CAPN13: variants seen among roughly 807,000 people sequenced by gnomAD.
The protein encoded by CAPN13 is calpain-13.
Under a neutral mutation model 98.4 loss-of-function variants are expected in CAPN13, and 90 were observed. The ratio of observed to expected loss-of-function variants is 0.92; its 90% CI spans 0.77 to 1.09. The LOEUF is 1.09. Ranked by LOEUF, CAPN13 falls within the 50% of genes least tolerant of loss-of-function variation. The pLI is 0.00. For missense variants in CAPN13, 887 were observed against 841.3 expected, an observed-to-expected ratio of 1.05 and a Z score of -0.67; for synonymous variants, 330 against 305.5, an observed-to-expected ratio of 1.08 and a Z score of -0.84.
At chr2:30,774,792 A>C (rs1021361143) in intron 4 of CAPN13, among the ~76,000 whole-genome samples, 1 of 152,214 alleles carries the variant, frequency 6.6e-6, no homozygotes, top group Non-Finnish European at 1.5e-5. Flanking sequence ...TGTATAGCTC[A>C]ATCAGTTTGT....
intron 2 of CAPN13, among the ~76,000 whole-genome samples, chr2:30,781,835 T>C (rs1435071821): frequency 6.6e-6 from 1 of 152,168 alleles, no homozygotes; most frequent in African/African-American, 2.4e-5. Flanking sequence ...TACATCAATA[T>C]GTTAATGAGA....
intron 1 of CAPN13, among the ~76,000 whole-genome samples, chr2:30,802,196 T>C (rs1230411779): frequency 6.6e-6 from 1 of 151,932 alleles, no homozygotes; most frequent in Non-Finnish European, 1.5e-5. Flanking sequence ...ACAAATCCAG[T>C]AGTACCAGTG....
In CAPN13 at chr2:30,745,765, G is replaced by A. The variant is rs895903468; in HGVS notation, c.1237-31C>T. ...GGAAACAGGGAGAAAGGCAGATTTA[G>A]GAACTCAGACGTAAACAAAAAGGCA... On this transcript the variant is annotated intron_variant, in intron 11 of 22. Coordinates refer to ENST00000295055, the MANE Select transcript of CAPN13 (RefSeq NM_144575.3). 11 of 1,590,998 alleles carry A rather than the reference G, an allele frequency of 6.9e-6. No individual in the cohort carries two copies. The African/African-American group carries it at 1.1e-4, about 15-fold the overall frequency.
intron 1 of CAPN13, among the ~76,000 whole-genome samples, chr2:30,796,217 T>C (rs7590505): frequency 9.5e-6 from 1 of 105,818 alleles, no homozygotes; most frequent in East Asian, 2.6e-4. Flanking sequence ...TATATACACA[T>C]ATATATGTAT....
At chr2:30,726,743 G>A (rs1007635974) in intron 22 of CAPN13, among the ~76,000 whole-genome samples, 10 of 151,992 alleles carry the variant, frequency 6.6e-5, no homozygotes, top group East Asian at 1.9e-4. Context: ...ATGAAGAGAC[G>A]CATGGAACAA....
At chr2:30,799,283 G>A (rs1486367855) in intron 1 of CAPN13, among the ~76,000 whole-genome samples, 1 of 152,212 alleles carries the variant, frequency 6.6e-6, no homozygotes, top group Non-Finnish European at 1.5e-5. Context: ...ATTTCTCAAA[G>A]AGCTTATGTG....
intron 18 of CAPN13, among the ~76,000 whole-genome samples, chr2:30,735,002 T>C (rs1393862819): frequency 6.6e-6 from 1 of 152,204 alleles, no homozygotes; most frequent in Non-Finnish European, 1.5e-5. Context: ...AGGGAGTAAA[T>C]GACTAAATAT....
chr2:30,745,710 C>T lies in CAPN13; in HGVS notation c.1248+13G>A, dbSNP rs369623303. On this transcript the variant is annotated intron_variant, in intron 12 of 22. Transcript: ENST00000295055. ...CAGCAGAGGCGCAGGGCAAGGACGA[C>T]GCTGAGCCATACCTGTGAGCCAGCC... The T allele has an allele frequency of 1.7e-4, 267 of 1,596,368 alleles. No individual in the cohort carries two copies. The highest frequency in any genetic ancestry group is 4.9e-4 in the Middle Eastern group (3 of 6,080).
chr2:30,790,083 C>T (rs1674525764), intron 1 of CAPN13, among the ~76,000 whole-genome samples: 1 of 152,200 alleles, frequency 6.6e-6, no homozygotes, highest in South Asian at 2.1e-4. Flanking sequence ...TTCCCGCCTC[C>T]ACACACATAG....
chr2:30,787,396 T>A (rs1674348644), intron 1 of CAPN13, 39 bp from the exon 2 acceptor site: 2 of 1,455,990 alleles, frequency 1.4e-6, no homozygotes. Flanking sequence ...GGGTAAGCCA[T>A]CAAGTCCTTT....
At chr2:30,793,110 C>A (rs1674685194) in intron 1 of CAPN13, among the ~76,000 whole-genome samples, 1 of 151,692 alleles carries the variant, frequency 6.6e-6, no homozygotes, top group Admixed American at 6.6e-5. Context: ...CAAGAATGCC[C>A]ACTGTTATAG....
intron 1 of CAPN13, among the ~76,000 whole-genome samples, chr2:30,789,167 G>C (rs929112714): frequency 1.3e-5 from 2 of 152,166 alleles, no homozygotes; most frequent in African/African-American, 4.8e-5. Flanking sequence ...GAAATGTCAA[G>C]ATATCATTCA....
At chr2:30,763,386 G>A (rs367888682) in intron 6 of CAPN13, among the ~76,000 whole-genome samples, 72 of 152,322 alleles carry the variant, frequency 4.7e-4, no homozygotes, top group African/African-American at 1.5e-3. Flanking sequence ...ATAGAACCCC[G>A]TGGAGTCCCG....
At chr2:30,783,961 A>G (rs1674126221) in intron 2 of CAPN13, among the ~76,000 whole-genome samples, 1 of 151,996 alleles carries the variant, frequency 6.6e-6, no homozygotes, top group East Asian at 1.9e-4. Flanking sequence ...TGGGTGGATC[A>G]CTCGAGGTCA....
chr2:30,735,832 A>G lies in CAPN13; in HGVS notation c.1722+671T>C, dbSNP rs576874449. On this transcript the variant is annotated intron_variant, in intron 18 of 22. Coordinates refer to ENST00000295055, the MANE Select transcript of CAPN13 (RefSeq NM_144575.3). ...AAAACAGATTATACTTCTATTTGGC[A>G]TGTGTGGGTATACATATTACAAGAA... 3.1e-3 allele frequency among the ~76,000 whole-genome samples: 470 copies of G among 152,290 alleles called. 2 individuals carry two copies. Among genetic ancestry groups the G allele is most frequent in the African/African-American group, 0.011 (438 of 41,550 alleles).
At chr2:30,747,435 G>C (rs1671969607) in intron 11 of CAPN13, among the ~76,000 whole-genome samples, 2 of 152,226 alleles carry the variant, frequency 1.3e-5, no homozygotes, top group Admixed American at 1.3e-4. Flanking sequence ...AGACCTCTTA[G>C]CCGACTTCTC....
chr2:30,764,063 G>C, intron 6 of CAPN13, 69 bp downstream of exon 6: 1 of 1,452,862 alleles, frequency 6.9e-7, no homozygotes, highest in Non-Finnish European at 9.3e-7. Context: ...TAGCTGAATG[G>C]ACCCCTGGCT....
chr2:30,756,444 T>C (rs901177616), intron 8 of CAPN13, among the ~76,000 whole-genome samples: 1 of 152,202 alleles, frequency 6.6e-6, no homozygotes, highest in Non-Finnish European at 1.5e-5. Flanking sequence ...GGGAAGCTTC[T>C]CTTCCCCAAA....
At position 30,745,571 on chromosome 2, in the gene CAPN13, T is replaced by C. The variant is rs576767817; in HGVS notation, c.1248+152A>G. On this transcript the variant is annotated intron_variant, in intron 12 of 22. Transcript: ENST00000295055. The stretch of plus-strand genomic sequence containing the variant: ...CTATTCTCCTGCTTTGTGAACCTGT[T>C]TGGGGATTCTAGGCCTGTGTCTGAT... Among the ~76,000 whole-genome samples, 49 of 152,272 alleles carry C rather than the reference T, an allele frequency of 3.2e-4. 1 individual carries two copies. The highest frequency in any genetic ancestry group is 1.2e-3 in the African/African-American group (48 of 41,554).
Sources: gnomAD v4.1 joint callset for allele counts (sites outside exome capture counted in the v4.1 genomes callset) on GRCh38, gnomAD v4.1.1 for gene constraint, MANE v1.5 for transcripts, NCBI Gene and HGNC (gene_info 2026-07-23, HGNC 2026-07-21) for gene names.